NBPF20: variants seen among roughly 807,000 people sequenced by gnomAD.
NBPF20 encodes NBPF member 20, also known as NBPF family member NBPF20.
A neutral mutation model predicts 68.1 loss-of-function variants in NBPF20; 90 were observed. That is an observed-to-expected ratio of 1.32 (90% CI 1.11 to 1.58). NBPF20 has a LOEUF of 1.58. NBPF20 is among the 40% of genes most tolerant of loss of function. The probability of loss-of-function intolerance (pLI) is 0.00; values close to 1 mark genes in which losing one functional copy is unlikely to be tolerated. For missense variants in NBPF20, 816 were observed against 601.2 expected, an observed-to-expected ratio of 1.36 and a Z score of -3.74; for synonymous variants, 290 against 228.1, an observed-to-expected ratio of 1.27 and a Z score of -2.45.
chr1:145,291,451 T>C (rs1553657483), exon 138 of NBPF20: 21 of 1,611,778 alleles, frequency 1.3e-5, no homozygotes, highest in Middle Eastern at 2.2e-4. Context: ...AATGGAACTG[T>C]ACTTTCATTC....
At chr1:145,291,274 A>G (rs1329590136) in exon 138 of NBPF20, 1 of 629,478 alleles carries the variant, frequency 1.6e-6, no homozygotes, top group Non-Finnish European at 2.7e-6. Flanking sequence ...CGTGGTTCAA[A>G]TTAAAATGTC....
At chr1:145,338,033 A>G (rs1302595503) in intron 79 of NBPF20, among the ~76,000 whole-genome samples, 1 of 94,498 alleles carries the variant, frequency 1.1e-5, no homozygotes, top group African/African-American at 4.1e-5. Context: ...ACACACACAC[A>G]CACACACACA....
the NBPF20 span, among the ~76,000 whole-genome samples, chr1:145,421,396 C>T: frequency 1.3e-5 from 2 of 152,188 alleles, no homozygotes; most frequent in African/African-American, 4.8e-5. Context: ...TTTTCATTGA[C>T]ATTTCCTTTT....
intron 129 of NBPF20, among the ~76,000 whole-genome samples, chr1:145,298,337 C>G (rs1159592761): frequency 7.3e-6 from 1 of 137,568 alleles, no homozygotes; most frequent in East Asian, 2.0e-4. Flanking sequence ...GATAGACACA[C>G]ACACACACAC....
the NBPF20 span, among the ~76,000 whole-genome samples, chr1:145,422,624 A>G: frequency 1.3e-5 from 2 of 152,054 alleles, no homozygotes; most frequent in African/African-American, 2.4e-5. Flanking sequence ...AAAGTGCCAA[A>G]CAGTGCAGAA....
chr1:145,409,256 A>G (rs1662916902), upstream of NBPF20, among the ~76,000 whole-genome samples: 1 of 151,756 alleles, frequency 6.6e-6, no homozygotes, highest in Non-Finnish European at 1.5e-5. Flanking sequence ...TCGTGTGGCT[A>G]TACCATGTAT....
chr1:145,402,803 A>C (rs1384033019), intron 3 of NBPF20, among the ~76,000 whole-genome samples: 6 of 150,154 alleles, frequency 4.0e-5, no homozygotes, highest in Non-Finnish European at 5.9e-5. Context: ...AAAGAAGAAA[A>C]GAATGACAGG....
exon 5 of NBPF20, chr1:145,401,112 A>G (rs1662502832): frequency 6.2e-7 from 1 of 1,606,740 alleles, no homozygotes; most frequent in Non-Finnish European, 8.5e-7. Flanking sequence ...GAACATCTTC[A>G]TCGTCATCGT....
intron 29 of NBPF20, among the ~76,000 whole-genome samples, chr1:145,377,674 C>A (rs1255654665): frequency 1.4e-5 from 2 of 139,554 alleles, no homozygotes; most frequent in Non-Finnish European, 3.1e-5. Flanking sequence ...AAAGTGAGCT[C>A]AGCGAGTTGG....
chr1:145,402,456 C>T, intron 3 of NBPF20, 75 bp from the exon 9 acceptor site: 1 of 1,547,392 alleles, frequency 6.5e-7, no homozygotes, highest in East Asian at 2.2e-5. Flanking sequence ...ACAGAGATTT[C>T]TGAGATAATG....
intron 8 of NBPF20, 133 bp downstream of exon 13, chr1:145,394,845 T>C: frequency 6.4e-7 from 1 of 1,570,228 alleles, no homozygotes; most frequent in South Asian, 1.1e-5. Flanking sequence ...GTGATTGAAA[T>C]CTACATTGAT....
chr1:145,402,455 T>A, intron 3 of NBPF20, 74 bp from the exon 9 acceptor site: 1 of 1,547,142 alleles, frequency 6.5e-7, no homozygotes, highest in Non-Finnish European at 8.9e-7. Flanking sequence ...AACAGAGATT[T>A]CTGAGATAAT....
At chr1:145,404,524 TGA>T (rs1662678396) in intron 2 of NBPF20, among the ~76,000 whole-genome samples, 1 of 152,126 alleles carries the variant, frequency 6.6e-6, no homozygotes, top group Non-Finnish European at 1.5e-5. Context: ...CCCAAAGTGC[TGA>T]GATTACAGGA....
chr1:145,396,559 C>T (rs1206358022), intron 7 of NBPF20, among the ~76,000 whole-genome samples: 3 of 151,432 alleles, frequency 2.0e-5, no homozygotes, highest in Non-Finnish European at 4.4e-5. Context: ...GTCAGATTCA[C>T]CAAGGTTGAA....
exon 8 of NBPF20, chr1:145,394,996 T>G (rs1662154245): frequency 6.2e-7 from 1 of 1,611,820 alleles, no homozygotes; most frequent in African/African-American, 1.3e-5. Flanking sequence ...TCAACAGCCA[T>G]GCAGACTTGC....
chr1:145,405,334 A>T, intron 1 of NBPF20, 27 bp from the exon 7 acceptor site: 3 of 1,487,166 alleles, frequency 2.0e-6, no homozygotes, highest in Non-Finnish European at 2.8e-6. Context: ...CAAACATATG[A>T]TGGGTTAAAA....
intron 9 of NBPF20, chr1:145,393,652 A>C: frequency 5.2e-6 from 6 of 1,148,130 alleles, no homozygotes; most frequent in Non-Finnish European, 7.3e-6. Flanking sequence ...TTACCATGAG[A>C]ATACAGCTTT....
chr1:145,397,967 C>T (rs1360353545), intron 7 of NBPF20, among the ~76,000 whole-genome samples: 2 of 151,946 alleles, frequency 1.3e-5, no homozygotes, highest in Non-Finnish European at 1.5e-5. Context: ...TTAAACCAAC[C>T]AAGATCAAAA....
chr1:145,402,307 T>C, exon 4 of NBPF20: 5 of 1,610,558 alleles, frequency 3.1e-6, no homozygotes, highest in Non-Finnish European at 3.4e-6. Flanking sequence ...GCGGGAGGCA[T>C]CTCTCCCTTC....
Sources: allele counts gnomAD v4.1 joint callset (sites outside exome capture counted in the v4.1 genomes callset), GRCh38; gene constraint gnomAD v4.1.1; transcripts MANE v1.5; gene names NCBI Gene and HGNC (gene_info 2026-07-23, HGNC 2026-07-21).